Variants in CRB1 observed in about 807,000 individuals in gnomAD.
CRB1 encodes the protein protein crumbs homolog 1.
Under a neutral mutation model 120.0 loss-of-function variants are expected in CRB1, and 83 were observed. The ratio of observed to expected loss-of-function variants is 0.69; its 90% CI spans 0.58 to 0.83. The LOEUF (loss-of-function observed/expected upper bound fraction) is 0.83, where lower values mean the gene tolerates loss of function less well. Among genes scored for constraint, CRB1 ranks in the 40% least tolerant of loss-of-function variants. The pLI, the probability that CRB1 is intolerant of heterozygous loss-of-function variation, is 0.00. For missense variants in CRB1, 1,699 were observed against 1,687.6 expected (o/e 1.01, Z -0.12); for synonymous variants, 625 against 612.5 (o/e 1.02, Z -0.30).
At chr1:197,209,359 T>TG in the CRB1 span, among the ~76,000 whole-genome samples, 4 of 151,862 alleles carry the variant, frequency 2.6e-5, no homozygotes, top group Non-Finnish European at 4.4e-5. Flanking sequence ...TGTTTTGTTT[T>TG]TTTGAGATGG....
chr1:197,362,965 T>G (rs1209184894), intron 5 of CRB1, among the ~76,000 whole-genome samples: 3 of 152,142 alleles, frequency 2.0e-5, no homozygotes, highest in Non-Finnish European at 2.9e-5. Flanking sequence ...TTACTTCCTA[T>G]GAATTAGTTG....
At chr1:197,216,414 T>C in the CRB1 span, among the ~76,000 whole-genome samples, 1 of 152,302 alleles carries the variant, frequency 6.6e-6, no homozygotes, top group African/African-American at 2.4e-5. Context: ...AGTCAGTAAA[T>C]AGTTTTGAAT....
In CRB1 at chr1:197,376,043, C is replaced by G. The variant is rs111538208; in HGVS notation, c.1171+19030C>G. On this transcript the variant is annotated intron_variant, in intron 5 of 11. Transcript: ENST00000367400. ...GGCCTCTAGTTTACAGTTGTTCTCT[C>G]TGACCTGCTGGATATAATTTCTTTA... Among the ~76,000 whole-genome samples, 412 of 152,308 alleles carry G rather than the reference C, an allele frequency of 2.7e-3. 1 individual carries two copies. The highest frequency in any genetic ancestry group is 9.3e-3 in the African/African-American group (387 of 41,580).
chr1:197,206,414 C>T, the CRB1 span, among the ~76,000 whole-genome samples: 1 of 152,152 alleles, frequency 6.6e-6, no homozygotes, highest in Non-Finnish European at 1.5e-5. Context: ...CCTTTTAGCA[C>T]TGCTTTTGCT....
At chr1:197,332,603 ATGGCCTG>A (rs1378986869) in intron 2 of CRB1, among the ~76,000 whole-genome samples, 2 of 152,154 alleles carry the variant, frequency 1.3e-5, no homozygotes, top group Non-Finnish European at 2.9e-5. Flanking sequence ...CACAAGTAGA[ATGGCCTG>A]TGTTCTAGTA....
chr1:197,377,816 T>C (rs1032993252), intron 5 of CRB1, among the ~76,000 whole-genome samples: 1 of 152,162 alleles, frequency 6.6e-6, no homozygotes, highest in Non-Finnish European at 1.5e-5. Context: ...TTTTATGAAC[T>C]CTTTTTTTAA....
intron 5 of CRB1, among the ~76,000 whole-genome samples, chr1:197,414,705 C>T (rs1663881459): frequency 6.6e-6 from 1 of 152,064 alleles, no homozygotes; most frequent in African/African-American, 2.4e-5. Context: ...ACTGAATGGC[C>T]CCAATGGTCC....
intron 5 of CRB1, among the ~76,000 whole-genome samples, chr1:197,366,504 A>G (rs1661083823): frequency 6.6e-6 from 1 of 152,222 alleles, no homozygotes; most frequent in East Asian, 1.9e-4. Context: ...ATTACCTTCT[A>G]TATTGAAAAT....
intron 10 of CRB1, chr1:197,440,577 A>G (rs1382955788): frequency 2.0e-5 from 3 of 152,230 alleles, no homozygotes; most frequent in Middle Eastern, 3.2e-3. Context: ...AAAAATGCCA[A>G]TGATGCTGAT....
At chr1:197,433,980 A>C (rs1664999648) in intron 8 of CRB1, among the ~76,000 whole-genome samples, 1 of 152,156 alleles carries the variant, frequency 6.6e-6, no homozygotes, top group Admixed American at 6.6e-5. Flanking sequence ...ATTTTAAGAG[A>C]CAGAACAAGT....
intron 11 of CRB1, among the ~76,000 whole-genome samples, chr1:197,451,539 T>C (rs1293317971): frequency 6.6e-6 from 1 of 152,204 alleles, no homozygotes; most frequent in Non-Finnish European, 1.5e-5. Context: ...TGATTTATTA[T>C]GCTGCTTTCT....
At chr1:197,397,202 T>C (rs960643977) in intron 5 of CRB1, among the ~76,000 whole-genome samples, 2 of 152,254 alleles carry the variant, frequency 1.3e-5, no homozygotes, top group South Asian at 2.1e-4. Context: ...AACATGTCCA[T>C]TGAAACCACA....
intron 5 of CRB1, among the ~76,000 whole-genome samples, chr1:197,361,088 C>T (rs747332305): frequency 1.3e-5 from 2 of 152,086 alleles, no homozygotes; most frequent in Non-Finnish European, 2.9e-5. Flanking sequence ...ACCAGACTTG[C>T]ACATCTGAAA....
chr1:197,475,309 C>T (rs1667152566), intron 11 of CRB1, among the ~76,000 whole-genome samples: 1 of 152,114 alleles, frequency 6.6e-6, no homozygotes, highest in South Asian at 2.1e-4. Flanking sequence ...CTCATGTGAG[C>T]CCAATTTCAA....
At chr1:197,275,814 A>C (rs1395946167) in intron 1 of CRB1, among the ~76,000 whole-genome samples, 1 of 151,974 alleles carries the variant, frequency 6.6e-6, no homozygotes, top group Admixed American at 6.6e-5. Flanking sequence ...ACTTTCCTTT[A>C]TTATTGATTC....
intron 9 of CRB1, among the ~76,000 whole-genome samples, chr1:197,436,311 A>C (rs1665160685): frequency 6.6e-6 from 1 of 152,158 alleles, no homozygotes; most frequent in Non-Finnish European, 1.5e-5. Flanking sequence ...GTGGAAATTG[A>C]TCATCAAAGA....
chr1:197,202,104 G>A, the CRB1 span, among the ~76,000 whole-genome samples: 11,112 of 152,018 alleles, frequency 0.073, 1,361 homozygotes, highest in African/African-American at 0.25. Context: ...TAAGATGAAG[G>A]CTGAGACAAA....
At chr1:197,355,963 A>T (rs76796337) in intron 4 of CRB1, among the ~76,000 whole-genome samples, 1 of 152,242 alleles carries the variant, frequency 6.6e-6, no homozygotes, top group Non-Finnish European at 1.5e-5. Flanking sequence ...TCTCATAATG[A>T]TATTAATTGC....
At chr1:197,346,219 A>G (rs549197020) in intron 3 of CRB1, among the ~76,000 whole-genome samples, 1 of 152,248 alleles carries the variant, frequency 6.6e-6, no homozygotes, top group African/African-American at 2.4e-5. Flanking sequence ...GATCAATCCA[A>G]TATAACCTGA....
Sources: gnomAD v4.1 joint callset for allele counts (sites outside exome capture counted in the v4.1 genomes callset) on GRCh38, gnomAD v4.1.1 for gene constraint, MANE v1.5 for transcripts, NCBI Gene and HGNC (gene_info 2026-07-23, HGNC 2026-07-21) for gene names.